Variants in HIVEP2 observed in about 807,000 individuals in gnomAD.
HIVEP2 encodes the protein HIVEP zinc finger 2, also known as transcription factor HIVEP2.
Under a neutral mutation model 180.7 loss-of-function variants are expected in HIVEP2, and 14 were observed. That is an observed-to-expected ratio of 0.08 (90% CI 0.05 to 0.12). HIVEP2 has a LOEUF of 0.12. Among genes scored for constraint, HIVEP2 ranks in the 10% least tolerant of loss-of-function variants. HIVEP2 has a pLI of 1.00. For synonymous variants in HIVEP2, 1,184 were observed against 1,136.4 expected, an observed-to-expected ratio of 1.04 and a Z score of -0.84; for missense variants, 2,579 against 3,008.5, an observed-to-expected ratio of 0.86 and a Z score of 3.34.
chr6:142,897,533 G>T (rs1367156094), intron 1 of HIVEP2, among the ~76,000 whole-genome samples: 1 of 152,198 alleles, frequency 6.6e-6, no homozygotes, highest in Non-Finnish European at 1.5e-5. Flanking sequence ...GAGAATGGAT[G>T]ATTGTTACAC....
In HIVEP2 at chr6:142,772,887, T is replaced by A; in HGVS notation, c.1852A>T (p.Ile618Phe). The change falls in exon 5 of 10, where the codon ATC becomes TTC. Residue 618 changes from isoleucine to phenylalanine, a missense_variant. By Grantham distance (21) the Ile-to-Phe change is conservative. Coordinates refer to ENST00000367603, the MANE Select transcript of HIVEP2 (RefSeq NM_006734.4). The surrounding 1 kb of genome is among the most constrained non-coding windows in gnomAD (Gnocchi z 4.9). ...TTTTCCTTCAGGGATGAACTGCTGATACCCTTCAACATCCTGCCATGGTGC... is the reference window on the plus strand; with the variant it reads ...TTTTCCTTCAGGGATGAACTGCTGAAACCCTTCAACATCCTGCCATGGTGC... ...VEHHGRMLKG[I>F]SSSSLKEKKL... 6.2e-7 allele frequency: 1 copy of A among 1,614,182 alleles called. No individual in the cohort carries two copies. The highest frequency in any genetic ancestry group is 2.2e-5 in the East Asian group (1 of 44,890).
At chr6:142,889,343 G>A (rs549451606) in intron 1 of HIVEP2, among the ~76,000 whole-genome samples, 63 of 152,232 alleles carry the variant, frequency 4.1e-4, no homozygotes, top group African/African-American at 1.4e-3. Context: ...TGCACCTGTA[G>A]CCCTAGCTAC....
At chr6:142,927,779 G>T (rs1375946574) in intron 1 of HIVEP2, among the ~76,000 whole-genome samples, 1 of 152,094 alleles carries the variant, frequency 6.6e-6, no homozygotes, top group African/African-American at 2.4e-5. Context: ...CTTCCATTTA[G>T]TTTCAAGCCA....
chr6:142,843,048 T>C (rs909493129), intron 1 of HIVEP2, among the ~76,000 whole-genome samples: 2 of 152,194 alleles, frequency 1.3e-5, no homozygotes, highest in Admixed American at 1.3e-4. Context: ...TGAATGTCTA[T>C]AGGGCCTCTA....
intron 1 of HIVEP2, among the ~76,000 whole-genome samples, chr6:142,928,861 G>C (rs1777877654): frequency 6.6e-6 from 1 of 152,122 alleles, no homozygotes; most frequent in South Asian, 2.1e-4. Flanking sequence ...ACTTCCCAGT[G>C]GCCAGTGCCC....
At chr6:142,845,415 T>C (rs1407273563) in intron 1 of HIVEP2, among the ~76,000 whole-genome samples, 1 of 152,178 alleles carries the variant, frequency 6.6e-6, no homozygotes, top group African/African-American at 2.4e-5. Context: ...TCTCTCTCTT[T>C]CTCTCTTCAA....
At chr6:142,814,828 A>C (rs903317385) in intron 2 of HIVEP2, among the ~76,000 whole-genome samples, 1 of 152,178 alleles carries the variant, frequency 6.6e-6, no homozygotes, top group Non-Finnish European at 1.5e-5. Flanking sequence ...AGTAGATAAA[A>C]CACTCAGTCT....
chr6:142,941,835 A>T (rs980048718), intron 1 of HIVEP2, among the ~76,000 whole-genome samples: 4 of 152,234 alleles, frequency 2.6e-5, no homozygotes, highest in African/African-American at 9.6e-5. Context: ...CATATCATTG[A>T]AATTTTCAGG....
At chr6:142,906,715 T>C (rs936524274) in intron 1 of HIVEP2, among the ~76,000 whole-genome samples, 1 of 152,126 alleles carries the variant, frequency 6.6e-6, no homozygotes, top group African/African-American at 2.4e-5. Flanking sequence ...AATATGGTAA[T>C]ATGCAAAATG....
At position 142,772,112 on chromosome 6, in the gene HIVEP2, G is replaced by C; in HGVS notation, c.2627C>G (p.Thr876Arg). Reference sequence around the variant, plus strand: ...GTGTTGCCGAACTAGCCTGGGCTGTGTGTGATAGGACTGCTGCTGCACCTG... The same window carrying C: ...GTGTTGCCGAACTAGCCTGGGCTGTCTGTGATAGGACTGCTGCTGCACCTG... The part of the protein sequence containing the change: ...SQQVQQQSYH[T>R]QPRLVRQHNI... The change falls in exon 5 of 10, where the codon ACA becomes AGA. Residue 876 changes from threonine (T) to arginine (R), a missense_variant. By Grantham distance (71) the Thr-to-Arg change is moderately conservative. Around this residue, in one of 11 missense-constraint regions of HIVEP2, gnomAD observed 524 missense variants for 563.6 expected, o/e 0.93. Coordinates refer to ENST00000367603, the MANE Select transcript of HIVEP2 (RefSeq NM_006734.4). The surrounding 1 kb of genome is among the most constrained non-coding windows in gnomAD (Gnocchi z 4.9). The C allele has an allele frequency of 6.2e-7, 1 of 1,614,202 alleles. No homozygotes were observed. Among genetic ancestry groups the C allele is most frequent in the East Asian group, 2.2e-5 (1 of 44,878 alleles).
At chr6:142,798,971 G>A (rs55664491) in intron 2 of HIVEP2, among the ~76,000 whole-genome samples, 7,487 of 152,164 alleles carry the variant, frequency 0.049, 264 homozygotes, top group Middle Eastern at 0.071. Context: ...TATAAATACA[G>A]GCAAACATTG....
intron 1 of HIVEP2, among the ~76,000 whole-genome samples, chr6:142,839,426 A>G (rs949388183): frequency 2.0e-5 from 3 of 152,092 alleles, no homozygotes; most frequent in Non-Finnish European, 2.9e-5. Flanking sequence ...TTTTGGCTCT[A>G]TCAGAAAATC....
At chr6:142,824,514 A>G (rs944488492) in intron 2 of HIVEP2, among the ~76,000 whole-genome samples, 1 of 152,162 alleles carries the variant, frequency 6.6e-6, no homozygotes, top group Non-Finnish European at 1.5e-5. Context: ...GGCCCCATAA[A>G]TACTGGCAGC....
At chr6:142,933,459 A>G (rs1174392625) in intron 1 of HIVEP2, among the ~76,000 whole-genome samples, 1 of 152,220 alleles carries the variant, frequency 6.6e-6, no homozygotes, top group African/African-American at 2.4e-5. Flanking sequence ...ATTAATTTCA[A>G]AATGTCTTCT....
At chr6:142,778,753 T>A (rs1775767503) in intron 3 of HIVEP2, among the ~76,000 whole-genome samples, 1 of 152,164 alleles carries the variant, frequency 6.6e-6, no homozygotes, top group African/African-American at 2.4e-5. Context: ...AAAATTCAGA[T>A]CTAAATTTGG....
Position 142,768,459 on chromosome 6 carries a change from C to T in HIVEP2, c.5265G>A (p.Gly1755=). The part of the protein sequence containing the change: ...KLVGNILKER[G]KGDIHGDKDI... ...CTTTATCTCCATGAATATCTCCTTTCCCTCTTTCCTTTAAGATATTTCCCA... is the reference window on the plus strand; with the variant it reads ...CTTTATCTCCATGAATATCTCCTTTTCCTCTTTCCTTTAAGATATTTCCCA... The change falls in exon 6 of 10, where the codon GGG becomes GGA. Residue 1755 remains glycine (G), a synonymous_variant. Coordinates refer to ENST00000367603, the MANE Select transcript of HIVEP2 (RefSeq NM_006734.4). The T allele has an allele frequency of 1.2e-6, 2 of 1,613,188 alleles. No homozygotes were observed. The highest frequency in any genetic ancestry group is 1.1e-5 in the South Asian group (1 of 91,044).
intron 3 of HIVEP2, among the ~76,000 whole-genome samples, chr6:142,780,293 C>T (rs746105224): frequency 6.6e-6 from 1 of 152,204 alleles, no homozygotes; most frequent in Non-Finnish European, 1.5e-5. Flanking sequence ...TGTGCCTAAG[C>T]TGGAGGTCCC....
chr6:142,813,517 T>G (rs1203163785), intron 2 of HIVEP2, among the ~76,000 whole-genome samples: 2 of 152,040 alleles, frequency 1.3e-5, no homozygotes, highest in Non-Finnish European at 2.9e-5. Flanking sequence ...TCATTTAAAT[T>G]CAATCATGTA....
intron 3 of HIVEP2, among the ~76,000 whole-genome samples, chr6:142,778,417 A>G (rs966091056): frequency 6.6e-6 from 1 of 152,242 alleles, no homozygotes; most frequent in African/African-American, 2.4e-5. Context: ...AATACCCTCT[A>G]AAATGGAAAT....
Sources: allele counts gnomAD v4.1 joint callset (sites outside exome capture counted in the v4.1 genomes callset), GRCh38; gene constraint gnomAD v4.1.1; regional missense constraint gnomAD v4.1.1; non-coding constraint Gnocchi (gnomAD v3.1); transcripts MANE v1.5; gene names NCBI Gene and HGNC (gene_info 2026-07-23, HGNC 2026-07-21).